COL4A4: variants seen among roughly 807,000 people sequenced by gnomAD.
The protein encoded by COL4A4 is collagen type IV alpha 4 chain, also known as collagen alpha-4(IV) chain.
A neutral mutation model predicts 192.9 loss-of-function variants in COL4A4; 105 were observed. That is an observed-to-expected ratio of 0.54 (90% confidence interval 0.46 to 0.64). COL4A4 has a LOEUF of 0.64. Among genes scored for constraint, COL4A4 ranks in the 30% least tolerant of loss-of-function variants. The probability of loss-of-function intolerance (pLI) is 0.00; values close to 1 mark genes in which losing one functional copy is unlikely to be tolerated. For missense variants in COL4A4, 1,967 were observed against 2,169.3 expected, an observed-to-expected ratio of 0.91 and a Z score of 1.85; for synonymous variants, 762 against 769.9, an observed-to-expected ratio of 0.99 and a Z score of 0.17.
chr2:227,020,254 C>CACA (rs10678305), intron 44 of COL4A4, among the ~76,000 whole-genome samples: 76,810 of 151,592 alleles, frequency 0.51, 20,332 homozygotes, highest in African/African-American at 0.68. Flanking sequence ...CAAATATATA[C>CACA]ACAAGGCAGC....
intron 22 of COL4A4, among the ~76,000 whole-genome samples, chr2:227,087,921 C>T (rs968030348): frequency 2.0e-5 from 3 of 152,120 alleles, no homozygotes; most frequent in African/African-American, 7.2e-5. Context: ...CAGCTACAAT[C>T]GATGGTGATG....
Position 227,030,585 on chromosome 2 carries a change from A to C in COL4A4, c.3831T>G (p.Pro1277=), listed in dbSNP as rs985035441. 2.5e-6 allele frequency: 4 copies of C among 1,608,234 alleles called. No individual in the cohort carries two copies. Among genetic ancestry groups the C allele is most frequent in the African/African-American group, 1.3e-5 (1 of 74,650 alleles). The change falls in exon 41 of 48, where the codon CCT becomes CCG. Residue 1277 remains proline (P), a synonymous_variant. Transcript: ENST00000396625. ...GGTCAACACTCCCAGGGAGGCCTGG[A>C]GGCCCAGGTGCTCCTGACCACAGAG... The part of the protein sequence containing the change: ...GPDGPRGAPG[P]PGLPGSVDLL...
At chr2:226,999,932 C>G (rs1342203296), downstream of COL4A4, among the ~76,000 whole-genome samples, 1 of 152,122 alleles carries the variant, frequency 6.6e-6, no homozygotes, top group Non-Finnish European at 1.5e-5. Flanking sequence ...CACTATTTCC[C>G]CCTTAGATAA....
At chr2:227,037,479 T>C (rs1416546095) in intron 37 of COL4A4, among the ~76,000 whole-genome samples, 1 of 152,206 alleles carries the variant, frequency 6.6e-6, no homozygotes, top group Non-Finnish European at 1.5e-5. Context: ...CTTTATCCAG[T>C]CTATCATTGA....
chr2:227,010,314 A>G lies in COL4A4; in HGVS notation c.4521T>C (p.Leu1507=). The stretch of plus-strand genomic sequence containing the variant: ...AGATGGGCGATCCTGTATCCATACC[A>G]AGGTCTTGATTGTGAGCTTTCTCTT... ...EGQEKAHNQD[L]GLAGSCLPVF... Residue 1507 remains leucine (L), a splice_region_variant and synonymous_variant, in exon 46 of 48, where the codon CTT becomes CTC. Transcript: ENST00000396625. 6.2e-7 allele frequency: 1 copy of G among 1,614,218 alleles called. No homozygotes were observed. Among genetic ancestry groups the G allele is most frequent in the Non-Finnish European group, 8.5e-7 (1 of 1,180,032 alleles).
Position 227,029,716 on chromosome 2 carries a change from C to A in COL4A4, c.3973+727G>T, listed in dbSNP as rs74402558. 5.2e-3 allele frequency among the ~76,000 whole-genome samples: 786 copies of A among 152,284 alleles called. 26 individuals are homozygous for A. The East Asian group carries it at 0.073, about 14-fold the overall frequency. ...AAAAGCTTCTTTGAACCTAAAAATTCTCTGAAATTCTGGTGACCAAAAACT... is the reference window on the plus strand; with the variant it reads ...AAAAGCTTCTTTGAACCTAAAAATTATCTGAAATTCTGGTGACCAAAAACT... On this transcript the variant is annotated intron_variant, in intron 41 of 47. Coordinates refer to ENST00000396625, the MANE Select transcript of COL4A4 (RefSeq NM_000092.5).
chr2:227,107,947 G>A (rs2060956540), intron 12 of COL4A4, among the ~76,000 whole-genome samples: 1 of 151,784 alleles, frequency 6.6e-6, no homozygotes, highest in African/African-American at 2.4e-5. Context: ...TAGTAGAGAC[G>A]GGGTTTCACC....
At chr2:227,019,874 C>T (rs1299454467) in intron 44 of COL4A4, among the ~76,000 whole-genome samples, 11 of 152,178 alleles carry the variant, frequency 7.2e-5, no homozygotes, top group African/African-American at 2.7e-4. Context: ...ACCATGTTGG[C>T]CAGGCTAGTC....
At chr2:227,021,942 C>CGAAA in intron 44 of COL4A4, 106 bp downstream of exon 44, 1 of 1,308,050 alleles carries the variant, frequency 7.6e-7, no homozygotes, top group Non-Finnish European at 1.1e-6. Flanking sequence ...CATGCTTTCT[C>CGAAA]CTCAGTAGTT....
chr2:227,082,731 G>A (rs946317249), intron 22 of COL4A4, among the ~76,000 whole-genome samples: 5 of 152,202 alleles, frequency 3.3e-5, no homozygotes, highest in African/African-American at 4.8e-5. Context: ...TGGAAGTGAC[G>A]TCCTGCTAAG....
intron 20 of COL4A4, 40 bp from the exon 21 acceptor site, chr2:227,089,997 A>G: frequency 6.6e-7 from 1 of 1,523,436 alleles, no homozygotes; most frequent in Non-Finnish European, 9.1e-7. Context: ...AGAATCACAT[A>G]ATTTTTCTGA....
chr2:226,969,989 T>TCCCCC, the COL4A4 span, among the ~76,000 whole-genome samples: 1 of 111,916 alleles, frequency 8.9e-6, no homozygotes, highest in Non-Finnish European at 1.8e-5. Context: ...TTTACAACTG[T>TCCCCC]CCCCCCCCCC....
intron 25 of COL4A4, among the ~76,000 whole-genome samples, chr2:227,068,093 T>TA (rs2058464718): frequency 6.9e-6 from 1 of 145,584 alleles, no homozygotes; most frequent in East Asian, 2.0e-4. Flanking sequence ...CAAACACCTC[T>TA]ACGCAAATAA....
chr2:227,012,373 G>A, intron 44 of COL4A4, 76 bp from the exon 45 acceptor site: 1 of 1,172,666 alleles, frequency 8.5e-7, no homozygotes, highest in Non-Finnish European at 1.3e-6. Context: ...TATACCGTAT[G>A]CCAGCCGTGT....
At chr2:227,009,789 AAGAGCGG>A in intron 46 of COL4A4, among the ~76,000 whole-genome samples, 1 of 151,806 alleles carries the variant, frequency 6.6e-6, no homozygotes, top group African/African-American at 2.4e-5. Context: ...AGGGGAGGGG[AAGAGCGG>A]AGAGCGGAGA....
intron 12 of COL4A4, among the ~76,000 whole-genome samples, chr2:227,108,065 C>G (rs1183184668): frequency 6.6e-6 from 1 of 152,124 alleles, no homozygotes; most frequent in Non-Finnish European, 1.5e-5. Flanking sequence ...CCTTAAATCA[C>G]TTTTCTAAAG....
At chr2:227,064,174 T>C (rs765224913) in intron 25 of COL4A4, among the ~76,000 whole-genome samples, 1 of 152,128 alleles carries the variant, frequency 6.6e-6, no homozygotes, top group Non-Finnish European at 1.5e-5. Flanking sequence ...TAAAAAGCAA[T>C]TCAGGATATG....
intron 3 of COL4A4, among the ~76,000 whole-genome samples, chr2:227,141,679 C>T (rs994434881): frequency 2.0e-5 from 3 of 152,044 alleles, no homozygotes; most frequent in Admixed American, 6.6e-5. Flanking sequence ...TGAAGCTTGA[C>T]GAGAGTCAAG....
chr2:227,062,691 T>C, intron 25 of COL4A4, 93 bp from the exon 26 acceptor site: 1 of 885,344 alleles, frequency 1.1e-6, no homozygotes, highest in Non-Finnish European at 1.9e-6. Flanking sequence ...GATATTTTTC[T>C]GTATAGTATA....
Sources: gnomAD v4.1 joint callset for allele counts (sites outside exome capture counted in the v4.1 genomes callset) on GRCh38, gnomAD v4.1.1 for gene constraint, MANE v1.5 for transcripts, NCBI Gene and HGNC (gene_info 2026-07-23, HGNC 2026-07-21) for gene names.